The following SPACA7 variants were observed in gnomAD, a reference collection of about 807,000 sequenced individuals.
The protein encoded by SPACA7 is sperm acrosome associated 7.
Under a neutral mutation model 26.3 loss-of-function variants are expected in SPACA7, and 19 were observed. That is an observed-to-expected ratio of 0.72 (90% CI 0.50 to 1.06). The LOEUF is 1.06. Among genes scored for constraint, SPACA7 ranks in the 50% least tolerant of loss-of-function variants. The pLI is 0.00. For synonymous variants in SPACA7, 84 were observed against 84.5 expected, an observed-to-expected ratio of 0.99 and a Z score of 0.04; for missense variants, 211 against 229.9, an observed-to-expected ratio of 0.92 and a Z score of 0.53.
At chr13:112,399,361 C>T (rs1481397627) in intron 4 of SPACA7, among the ~76,000 whole-genome samples, 188 bp downstream of exon 4, 2 of 152,252 alleles carry the variant, frequency 1.3e-5, no homozygotes, top group Non-Finnish European at 2.9e-5. Context: ...AGCTTCCTCA[C>T]CCCCTGCTGT....
intron 5 of SPACA7, among the ~76,000 whole-genome samples, chr13:112,409,587 T>C (rs1411439157): frequency 3.3e-5 from 5 of 152,102 alleles, no homozygotes; most frequent in Non-Finnish European, 7.4e-5. Context: ...AAAGAAGACA[T>C]TTATGCAGCC....
intron 1 of SPACA7, among the ~76,000 whole-genome samples, 199 bp downstream of exon 1, chr13:112,376,678 T>C (rs1652162712): frequency 6.6e-6 from 1 of 152,220 alleles, no homozygotes; most frequent in Non-Finnish European, 1.5e-5. Flanking sequence ...GTTGCAAATG[T>C]TACTTATTTT....
At chr13:112,400,513 A>G (rs1250930525) in intron 4 of SPACA7, among the ~76,000 whole-genome samples, 5 of 152,150 alleles carry the variant, frequency 3.3e-5, no homozygotes, top group African/African-American at 9.7e-5. Flanking sequence ...GGATTACTAT[A>G]GTCTGTGGGT....
Position 112,386,005 on chromosome 13 carries a change from C to T in SPACA7, c.95-7016C>T, listed in dbSNP as rs61960776. On this transcript the variant is annotated intron_variant, in intron 1 of 6. Coordinates refer to ENST00000283550, the MANE Select transcript of SPACA7 (RefSeq NM_145248.5). ...TCTAGGGCCTAATAAGCAGGCAGAG[C>T]TGGATGGCAAAGACAGATCCCTAAA... Among the ~76,000 whole-genome samples the T allele has an allele frequency of 2.5e-3, 375 of 152,230 alleles. 1 individual carries two copies. The highest frequency in any genetic ancestry group is 4.4e-3 in the Non-Finnish European group (300 of 68,008).
In SPACA7 at chr13:112,382,389, T is replaced by C. The variant is rs954625147; in HGVS notation, c.94+5910T>C. Reference sequence around the variant, plus strand: ...CTGGGACTACAGGCATGAGCCACCGTGCCTGGCCAATAACACCTTAATCTT... The same window carrying C: ...CTGGGACTACAGGCATGAGCCACCGCGCCTGGCCAATAACACCTTAATCTT... On this transcript the variant is annotated intron_variant, in intron 1 of 6. Transcript: ENST00000283550. The C allele has an allele frequency of 2.6e-6, 4 of 1,537,008 alleles. No individual in the cohort carries two copies. In the African/African-American group the frequency reaches 5.5e-5, roughly 21 times the overall value.
At chr13:112,385,990 A>G (rs755474510) in intron 1 of SPACA7, among the ~76,000 whole-genome samples, 1 of 152,218 alleles carries the variant, frequency 6.6e-6, no homozygotes, top group Non-Finnish European at 1.5e-5. Context: ...TCTAGGGCCT[A>G]ATAAGCAGGC....
chr13:112,407,773 G>T (rs188451397), intron 5 of SPACA7, among the ~76,000 whole-genome samples: 1 of 151,624 alleles, frequency 6.6e-6, no homozygotes, highest in Non-Finnish European at 1.5e-5. Context: ...ATTCACAGCC[G>T]AATTCTACCA....
chr13:112,388,341 A>C (rs7331825), intron 1 of SPACA7, among the ~76,000 whole-genome samples: 2,356 of 152,256 alleles, frequency 0.015, 59 homozygotes, highest in African/African-American at 0.053. Context: ...AAACAGACAC[A>C]CTACAGTGGG....
At position 112,393,003 on chromosome 13, in the gene SPACA7, G is replaced by A; in HGVS notation, c.95-18G>A. On this transcript the variant is annotated intron_variant, in intron 1 of 6. Coordinates refer to ENST00000283550, the MANE Select transcript of SPACA7 (RefSeq NM_145248.5). ...TCAATGAACATTGTTAAACTGTAGG[G>A]TTTTTATTTCCTTCTAGGTTCACCT... The A allele has an allele frequency of 1.2e-6, 2 of 1,604,332 alleles. No individual in the cohort carries two copies. The highest frequency in any genetic ancestry group is 1.7e-6 in the Non-Finnish European group (2 of 1,172,544).
chr13:112,385,154 G>A (rs986584190), intron 1 of SPACA7, among the ~76,000 whole-genome samples: 1 of 152,166 alleles, frequency 6.6e-6, no homozygotes, highest in Non-Finnish European at 1.5e-5. Flanking sequence ...TAAACCCACA[G>A]AATTTTGTAT....
At chr13:112,412,249 T>A (rs534187290) in intron 5 of SPACA7, among the ~76,000 whole-genome samples, 1 of 152,298 alleles carries the variant, frequency 6.6e-6, no homozygotes, top group Non-Finnish European at 1.5e-5. Flanking sequence ...CTTTTGAGAA[T>A]GTCAGTTCAG....
intron 5 of SPACA7, among the ~76,000 whole-genome samples, chr13:112,413,405 C>T (rs755260752): frequency 3.3e-5 from 5 of 150,772 alleles, no homozygotes; most frequent in Non-Finnish European, 5.9e-5. Context: ...ATATGTCATC[C>T]AACTCCCTCC....
intron 4 of SPACA7, among the ~76,000 whole-genome samples, chr13:112,399,615 T>C (rs1885509317): frequency 6.6e-6 from 1 of 152,090 alleles, no homozygotes; most frequent in African/African-American, 2.4e-5. Flanking sequence ...AAAAAATCAG[T>C]GTGCAAAGGC....
At chr13:112,378,611 T>C in intron 1 of SPACA7, 1 of 468,978 alleles carries the variant, frequency 2.1e-6, no homozygotes, top group East Asian at 7.0e-5. Flanking sequence ...ATGTGGTACC[T>C]AAAGACTTGG....
intron 1 of SPACA7, among the ~76,000 whole-genome samples, chr13:112,379,850 G>C (rs1883931007): frequency 6.6e-6 from 1 of 151,990 alleles, no homozygotes; most frequent in Non-Finnish European, 1.5e-5. Context: ...TTGAATATTT[G>C]GTTAAATAGG....
intron 5 of SPACA7, among the ~76,000 whole-genome samples, chr13:112,423,871 C>G (rs950906947): frequency 1.1e-4 from 17 of 152,232 alleles, no homozygotes; most frequent in African/African-American, 3.6e-4. Flanking sequence ...CCACAGAAAA[C>G]AATAGAAGTC....
chr13:112,379,500 A>C (rs1883906831), intron 1 of SPACA7, among the ~76,000 whole-genome samples: 1 of 152,254 alleles, frequency 6.6e-6, no homozygotes, highest in African/African-American at 2.4e-5. Context: ...ACATTACAAG[A>C]CAATAACGGA....
intron 6 of SPACA7, among the ~76,000 whole-genome samples, chr13:112,433,099 G>A (rs7332687): frequency 0.26 from 39,909 of 150,818 alleles, 5,904 homozygotes; most frequent in East Asian, 0.66. Flanking sequence ...GAGGCTGACA[G>A]CCCTCTTGTC....
chr13:112,384,671 TC>T (rs1387410150), intron 1 of SPACA7, among the ~76,000 whole-genome samples: 1 of 152,112 alleles, frequency 6.6e-6, no homozygotes, highest in African/African-American at 2.4e-5. Flanking sequence ...AATGATAACT[TC>T]AAAATCTTAA....
Sources: gnomAD v4.1 joint callset for allele counts (sites outside exome capture counted in the v4.1 genomes callset) on GRCh38, gnomAD v4.1.1 for gene constraint, MANE v1.5 for transcripts, NCBI Gene and HGNC (gene_info 2026-07-23, HGNC 2026-07-21) for gene names.